The following RBFOX1 variants were observed in gnomAD, a reference collection of about 807,000 sequenced individuals.
RBFOX1 encodes RNA binding protein fox-1 homolog 1.
A neutral mutation model predicts 57.7 loss-of-function variants in RBFOX1; 8 were observed. The observed-to-expected ratio is 0.14, with a 90% CI of 0.08 to 0.25. The LOEUF (loss-of-function observed/expected upper bound fraction) is 0.25, where lower values mean the gene tolerates loss of function less well. RBFOX1 is among the 10% of genes least tolerant of loss of function. RBFOX1 has a pLI of 1.00. For synonymous variants in RBFOX1, 326 were observed against 222.4 expected (o/e 1.47, Z -4.15); for missense variants, 611 against 548.5 (o/e 1.11, Z -1.14).
At chr16:5,960,003 C>G (rs1251070018) in intron 4 of RBFOX1, among the ~76,000 whole-genome samples, 1 of 152,088 alleles carries the variant, frequency 6.6e-6, no homozygotes, top group Admixed American at 6.5e-5. Flanking sequence ...GAGTTCAAGA[C>G]CAGCCTTGCC....
intron 2 of RBFOX1, among the ~76,000 whole-genome samples, chr16:6,579,724 G>A (rs80074589): frequency 9.2e-5 from 14 of 151,972 alleles, no homozygotes; most frequent in African/African-American, 2.9e-4. Flanking sequence ...TAGTAGCAGC[G>A]TGGGAACAGA....
rs544123389 is a variant in RBFOX1 at position 5,303,418 on chromosome 16, G to GTC, written c.219+63321_219+63322dup. Among the ~76,000 whole-genome samples the GTC allele has an allele frequency of 4.6e-5, 7 of 152,304 alleles. No individual in the cohort carries two copies. The South Asian group carries it at 1.0e-3, about 23-fold the overall frequency. Reference sequence around the variant, plus strand: ...TATTTCAGTTCCACGGTCAAGCTGTGTCTCTCTCTAGGGGCTACCAGACTT... The same window carrying GTC: ...TATTTCAGTTCCACGGTCAAGCTGTGTCTCTCTCTCTAGGGGCTACCAGACTT... On this transcript the variant is annotated intron_variant, in intron 1 of 2. Coordinates refer to the RBFOX1 transcript ENST00000585867.
At chr16:6,887,264 G>C (rs2064276707) in intron 3 of RBFOX1, among the ~76,000 whole-genome samples, 1 of 152,198 alleles carries the variant, frequency 6.6e-6, no homozygotes, top group African/African-American at 2.4e-5. Flanking sequence ...TGAGAACTGT[G>C]TTATCTGCGA....
At chr16:6,409,524 C>G (rs2093390515) in intron 2 of RBFOX1, among the ~76,000 whole-genome samples, 1 of 152,164 alleles carries the variant, frequency 6.6e-6, no homozygotes, top group Non-Finnish European at 1.5e-5. Context: ...TTACATGAGT[C>G]TGTTCAATTG....
At chr16:6,425,958 C>A (rs922975790) in intron 2 of RBFOX1, among the ~76,000 whole-genome samples, 5 of 152,134 alleles carry the variant, frequency 3.3e-5, no homozygotes, top group Non-Finnish European at 7.3e-5. Context: ...CCATTTACCC[C>A]TCCCCCAGCC....
chr16:5,902,855 A>T (rs1169401023), intron 4 of RBFOX1, among the ~76,000 whole-genome samples: 1 of 151,854 alleles, frequency 6.6e-6, no homozygotes, highest in Admixed American at 6.6e-5. Flanking sequence ...TCACAAAGAG[A>T]CCCCCAGGAT....
intron 3 of RBFOX1, among the ~76,000 whole-genome samples, chr16:7,024,553 A>G (rs530447109): frequency 1.3e-5 from 2 of 152,260 alleles, no homozygotes; most frequent in African/African-American, 4.8e-5. Context: ...ATACTTCCTC[A>G]TTGTGTAAAC....
chr16:5,824,761 T>A (rs985281969), intron 3 of RBFOX1, among the ~76,000 whole-genome samples: 14 of 152,224 alleles, frequency 9.2e-5, no homozygotes, highest in Non-Finnish European at 1.5e-4. Context: ...AACTGCACAC[T>A]TTGAGCCCAG....
At chr16:5,566,610 A>G (rs1382192949) in intron 2 of RBFOX1, among the ~76,000 whole-genome samples, 3 of 151,128 alleles carry the variant, frequency 2.0e-5, no homozygotes, top group Non-Finnish European at 4.4e-5. Flanking sequence ...ATATGTGTAT[A>G]TATGTATATG....
At chr16:6,919,769 C>CTTTTTTTTTTTTTTTTTTT (rs57240620) in intron 3 of RBFOX1, among the ~76,000 whole-genome samples, 3 of 123,508 alleles carry the variant, frequency 2.4e-5, no homozygotes, top group African/African-American at 9.1e-5. Flanking sequence ...TAAGATCATT[C>CTTTTTTTTTTTTTTTTTTT]TTTTTTTTTT....
chr16:6,535,228 G>C (rs2096718764), intron 2 of RBFOX1, among the ~76,000 whole-genome samples: 1 of 152,200 alleles, frequency 6.6e-6, no homozygotes, highest in South Asian at 2.1e-4. Flanking sequence ...AGCCAACTGG[G>C]AGAGTTGGTC....
chr16:6,032,211 A>G (rs1369032101), intron 1 of RBFOX1, among the ~76,000 whole-genome samples: 2 of 152,090 alleles, frequency 1.3e-5, no homozygotes. Context: ...AACAAGAAAC[A>G]TTTAGCTGTA....
chr16:7,418,929 G>C (rs1414687785), intron 4 of RBFOX1, among the ~76,000 whole-genome samples: 1 of 152,030 alleles, frequency 6.6e-6, no homozygotes, highest in African/African-American at 2.4e-5. Flanking sequence ...TTTTGAGAAA[G>C]GGTCTCAGTC....
intron 2 of RBFOX1, among the ~76,000 whole-genome samples, chr16:5,494,806 AC>A (rs2042947528): frequency 6.6e-6 from 1 of 152,152 alleles, no homozygotes; most frequent in African/African-American, 2.4e-5. Context: ...CAACTAAGGG[AC>A]CCTCAGAGAT....
chr16:6,899,495 C>T (rs192321725), intron 3 of RBFOX1, among the ~76,000 whole-genome samples: 1 of 152,186 alleles, frequency 6.6e-6, no homozygotes, highest in Non-Finnish European at 1.5e-5. Context: ...CATCTGCTTA[C>T]TATACCATCT....
chr16:7,630,689 C>A lies in RBFOX1; in HGVS notation c.757+6C>A, dbSNP rs1435955739. 2.5e-6 allele frequency: 4 copies of A among 1,614,134 alleles called. No homozygotes were observed. The highest frequency in any genetic ancestry group is 3.4e-6 in the Non-Finnish European group (4 of 1,180,030). ...ACTTGTATATACTTCTGCAAGTAAG[C>A]CCACTGTCGTGGCTCTTTTTGTTTT... On this transcript the variant is annotated splice_donor_region_variant and intron_variant, in intron 11 of 15. Coordinates refer to ENST00000550418, the MANE Select transcript of RBFOX1 (RefSeq NM_018723.4).
chr16:5,460,594 C>G (rs986192723), intron 1 of RBFOX1, among the ~76,000 whole-genome samples: 1 of 152,194 alleles, frequency 6.6e-6, no homozygotes, highest in Non-Finnish European at 1.5e-5. Context: ...ATGGTGAGGG[C>G]TCGGCTGACA....
chr16:5,514,631 A>G (rs1241161409), intron 2 of RBFOX1, among the ~76,000 whole-genome samples: 3 of 152,150 alleles, frequency 2.0e-5, no homozygotes, highest in Non-Finnish European at 4.4e-5. Context: ...AGAATATATC[A>G]GCAAACAAAA....
At chr16:7,470,909 CT>C (rs962405759) in intron 4 of RBFOX1, among the ~76,000 whole-genome samples, 112 of 144,584 alleles carry the variant, frequency 7.7e-4, no homozygotes, top group Admixed American at 1.3e-3. Flanking sequence ...ATTTGCTTTA[CT>C]TTTTTTTTTT....
Sources: gnomAD v4.1 joint callset for allele counts (sites outside exome capture counted in the v4.1 genomes callset) on GRCh38, gnomAD v4.1.1 for gene constraint, MANE v1.5 for transcripts, NCBI Gene and HGNC (gene_info 2026-07-23, HGNC 2026-07-21) for gene names.